The following SNX6 variants were observed in gnomAD, a reference collection of about 807,000 sequenced individuals.
SNX6 encodes the protein sorting nexin 6, also known as sorting nexin-6.
In SNX6, 34 loss-of-function variants were observed where a neutral mutation model predicts 63.0. That is an observed-to-expected ratio of 0.54 (90% CI 0.41 to 0.72). SNX6 has a LOEUF of 0.72. SNX6 is among the 30% of genes least tolerant of loss of function. The probability of loss-of-function intolerance (pLI) is 0.00; values close to 1 mark genes in which losing one functional copy is unlikely to be tolerated. For synonymous variants in SNX6, 170 were observed against 164.2 expected (o/e 1.04, Z -0.27); for missense variants, 398 against 471.4 (o/e 0.84, Z 1.44).
chr14:34,629,630 T>C lies in SNX6; in HGVS notation c.54+277A>G, dbSNP rs1441134016. 9.9e-5 allele frequency: 67 copies of C among 676,808 alleles called. No individual in the cohort carries two copies. The Admixed American group carries it at 1.4e-3, about 14-fold the overall frequency. The allele number at this position is 676,808 out of a possible 1,614,324, so 41.9% of individuals were successfully genotyped here. On this transcript the variant is annotated intron_variant, in intron 2 of 13. Coordinates refer to ENST00000362031, the MANE Select transcript of SNX6 (RefSeq NM_152233.4). ...CCGCCTCCATTTCCACTTCGCCACC[T>C]GCACCCCGCCCCGCGTGGGAGTGGA...
chr14:34,566,037 G>A (rs969455467), intron 13 of SNX6, among the ~76,000 whole-genome samples: 4 of 151,100 alleles, frequency 2.6e-5, no homozygotes, highest in Non-Finnish European at 5.9e-5. Flanking sequence ...GTTGGCTTGC[G>A]GTCTCGAACT....
At chr14:34,595,499 A>G (rs1298298343) in intron 7 of SNX6, among the ~76,000 whole-genome samples, 2 of 152,228 alleles carry the variant, frequency 1.3e-5, no homozygotes, top group Non-Finnish European at 2.9e-5. Flanking sequence ...AGATCACACA[A>G]GAAAATGTGG....
chr14:34,577,533 G>C (rs1881758105), intron 10 of SNX6, among the ~76,000 whole-genome samples: 1 of 152,174 alleles, frequency 6.6e-6, no homozygotes, highest in Non-Finnish European at 1.5e-5. Flanking sequence ...TGTGCCTGAA[G>C]ACACCACAGA....
At chr14:34,568,540 T>G in intron 11 of SNX6, 1 of 522,118 alleles carries the variant, frequency 1.9e-6, no homozygotes, top group Non-Finnish European at 3.4e-6. Context: ...CTCACTATGT[T>G]GCCCAGGCAG....
At position 34,567,992 on chromosome 14, in the gene SNX6, T is replaced by C; in HGVS notation, c.943A>G (p.Arg315Gly). Residue 315 changes from arginine (R) to glycine (G), a missense_variant, in exon 12 of 14, where the codon AGG (arginine) becomes GGG (glycine). Transcript: ENST00000362031. ...GCATTTTCATAATCCACTAGTGACCTAGACCTTCGATACAGGAGATCCTAT... is the reference window on the plus strand; with the variant it reads ...GCATTTTCATAATCCACTAGTGACCCAGACCTTCGATACAGGAGATCCTAT... The part of the protein sequence containing the change: ...AAKDLLYRRS[R>G]SLVDYENANK... 1.2e-6 allele frequency: 2 copies of C among 1,611,772 alleles called. No homozygotes were observed. The highest frequency in any genetic ancestry group is 1.7e-6 in the Non-Finnish European group (2 of 1,179,866).
chr14:34,566,370 G>A (rs373700754), intron 13 of SNX6, among the ~76,000 whole-genome samples: 5 of 151,872 alleles, frequency 3.3e-5, no homozygotes, highest in Middle Eastern at 3.2e-3. Context: ...CCACCACCAC[G>A]CCCAGCTAAT....
At chr14:34,607,037 C>CA (rs1877622291) in intron 4 of SNX6, among the ~76,000 whole-genome samples, 1 of 151,978 alleles carries the variant, frequency 6.6e-6, no homozygotes, top group Non-Finnish European at 1.5e-5. Context: ...CTCGGCCTCC[C>CA]AAAGTGCTGG....
intron 6 of SNX6, among the ~76,000 whole-genome samples, chr14:34,599,334 G>A (rs866363963): frequency 1.3e-5 from 2 of 152,120 alleles, no homozygotes; most frequent in African/African-American, 2.4e-5. Flanking sequence ...GGCTGGGCAC[G>A]GTGGCTCACG....
Position 34,563,981 on chromosome 14 carries a change from C to T in SNX6, c.1168-806G>A, listed in dbSNP as rs150494115. 6.7e-3 allele frequency among the ~76,000 whole-genome samples: 999 copies of T among 150,220 alleles called. 11 individuals are homozygous for T. The highest frequency in any genetic ancestry group is 0.023 in the African/African-American group (955 of 40,836). ...TTTGAACTCCTGATCTCAGGTGATCCGCCTACCTCAGCCTCCCAAAGTGCT... is the reference window on the plus strand; with the variant it reads ...TTTGAACTCCTGATCTCAGGTGATCTGCCTACCTCAGCCTCCCAAAGTGCT... On this transcript the variant is annotated intron_variant, in intron 13 of 13. Transcript: ENST00000362031.
At chr14:34,597,429 G>C (rs1384845054) in intron 7 of SNX6, 121 bp downstream of exon 7, 1 of 669,746 alleles carries the variant, frequency 1.5e-6, no homozygotes, top group Non-Finnish European at 2.6e-6. Flanking sequence ...CTGTTCCTAG[G>C]ACTGAAGATT....
chr14:34,629,620 C>A, intron 2 of SNX6: 1 of 665,744 alleles, frequency 1.5e-6, no homozygotes, highest in African/African-American at 1.8e-5. Flanking sequence ...TCCATTTCCA[C>A]TTCGCCACCT....
In SNX6 at chr14:34,605,720, G is replaced by A; in HGVS notation, c.271-3C>T. 2 of 1,589,952 alleles carry A rather than the reference G, an allele frequency of 1.3e-6. No homozygotes were observed. Among genetic ancestry groups the A allele is most frequent in the Non-Finnish European group, 1.7e-6 (2 of 1,173,618 alleles). On this transcript the variant is annotated splice_polypyrimidine_tract_variant and splice_region_variant and intron_variant, in intron 4 of 13. Coordinates refer to ENST00000362031, the MANE Select transcript of SNX6 (RefSeq NM_152233.4). The stretch of plus-strand genomic sequence containing the variant: ...GGTCTTGGTGGTGCTGGTGGAATCT[G>A]TAACAGGACCAAATGACTAATTTTA...
At chr14:34,566,253 A>G (rs1566461496) in intron 13 of SNX6, among the ~76,000 whole-genome samples, 1 of 152,236 alleles carries the variant, frequency 6.6e-6, no homozygotes, top group East Asian at 1.9e-4. Flanking sequence ...TCTTTTTGGC[A>G]TCCAGGCTGC....
intron 2 of SNX6, among the ~76,000 whole-genome samples, chr14:34,628,211 G>A (rs960582312): frequency 6.6e-5 from 10 of 151,918 alleles, no homozygotes; most frequent in Non-Finnish European, 1.5e-4. Context: ...TATAATCCCA[G>A]CACTTTGGGA....
At chr14:34,587,636 AATTT>A in intron 8 of SNX6, among the ~76,000 whole-genome samples, 1 of 150,892 alleles carries the variant, frequency 6.6e-6, no homozygotes, top group East Asian at 2.0e-4. Context: ...AAACAAACAA[AATTT>A]ATTTATTTGG....
At chr14:34,622,410 C>G (rs1312717383) in intron 2 of SNX6, among the ~76,000 whole-genome samples, 1 of 151,682 alleles carries the variant, frequency 6.6e-6, no homozygotes, top group African/African-American at 2.4e-5. Flanking sequence ...GAAACCCCAT[C>G]TCTACTAAAA....
At chr14:34,568,111 A>C in intron 11 of SNX6, 98 bp from the exon 12 acceptor site, 1 of 1,018,532 alleles carries the variant, frequency 9.8e-7, no homozygotes, top group Non-Finnish European at 1.4e-6. Flanking sequence ...ATCAGAGCTA[A>C]CACATAGTGA....
intron 8 of SNX6, among the ~76,000 whole-genome samples, chr14:34,592,077 G>T (rs1279444033): frequency 1.3e-5 from 2 of 152,148 alleles, no homozygotes; most frequent in Non-Finnish European, 2.9e-5. Context: ...ATTCTTAAGT[G>T]AAAGTCACAT....
At chr14:34,627,779 C>A (rs187148913) in intron 2 of SNX6, among the ~76,000 whole-genome samples, 1 of 151,720 alleles carries the variant, frequency 6.6e-6, no homozygotes, top group African/African-American at 2.4e-5. Flanking sequence ...CGTGAGCCAC[C>A]GTGCCTGGTC....
Sources: allele counts gnomAD v4.1 joint callset (sites outside exome capture counted in the v4.1 genomes callset), GRCh38; gene constraint gnomAD v4.1.1; transcripts MANE v1.5; gene names NCBI Gene and HGNC (gene_info 2026-07-23, HGNC 2026-07-21).